PIK3AP1: variants seen among roughly 807,000 people sequenced by gnomAD.
PIK3AP1 encodes phosphoinositide-3-kinase adaptor protein 1, also known as phosphoinositide 3-kinase adapter protein 1.
A neutral mutation model predicts 88.1 loss-of-function variants in PIK3AP1; 21 were observed. That is an observed-to-expected ratio of 0.24 (90% confidence interval 0.17 to 0.34). The LOEUF (loss-of-function observed/expected upper bound fraction) is 0.34. Ranked by LOEUF, PIK3AP1 falls within the 10% of genes least tolerant of loss-of-function variation. PIK3AP1 has a pLI of 1.00. For missense variants in PIK3AP1, 828 were observed against 1,035.7 expected, an observed-to-expected ratio of 0.80 and a Z score of 2.75; for synonymous variants, 398 against 400.0, an observed-to-expected ratio of 1.00 and a Z score of 0.06.
intron 2 of PIK3AP1, among the ~76,000 whole-genome samples, chr10:96,691,884 CTACT>C (rs148593579): frequency 1.5e-4 from 23 of 152,284 alleles, no homozygotes; most frequent in African/African-American, 5.5e-4. Context: ...AAATCAGTCC[CTACT>C]TAAACATCTC....
chr10:96,676,627 C>T (rs1027518996), intron 2 of PIK3AP1, among the ~76,000 whole-genome samples: 6 of 148,940 alleles, frequency 4.0e-5, no homozygotes, highest in African/African-American at 1.5e-4. Flanking sequence ...AGAAGGTCAC[C>T]AAAAACACAC....
At chr10:96,687,279 A>AAAAAAAG (rs1254063032) in intron 2 of PIK3AP1, among the ~76,000 whole-genome samples, 9 of 119,644 alleles carry the variant, frequency 7.5e-5, no homozygotes, top group African/African-American at 4.1e-4. Flanking sequence ...AAAAAAAAAA[A>AAAAAAAG]AAAAAAGAAA....
At chr10:96,606,034 T>C (rs527361686) in intron 14 of PIK3AP1, among the ~76,000 whole-genome samples, 55 of 152,014 alleles carry the variant, frequency 3.6e-4, no homozygotes, top group Admixed American at 7.2e-4. Flanking sequence ...AGTGAGCCGA[T>C]ATCATGCCAC....
At chr10:96,676,389 C>T (rs1398965700) in intron 2 of PIK3AP1, among the ~76,000 whole-genome samples, 1 of 150,072 alleles carries the variant, frequency 6.7e-6, no homozygotes, top group East Asian at 2.0e-4. Context: ...CTACATCTTA[C>T]CAGAGTCACA....
Position 96,628,387 on chromosome 10 carries a change from C to T in PIK3AP1, c.1471+11G>A, listed in dbSNP as rs1843181965. The stretch of plus-strand genomic sequence containing the variant: ...GCTCTTTTGGCTTCCCTGCTCATGG[C>T]TATGACTTACCTTCTAAAAACTTGC... On this transcript the variant is annotated intron_variant, in intron 9 of 16. Transcript: ENST00000339364. 2 of 1,582,728 alleles carry T rather than the reference C, an allele frequency of 1.3e-6. No homozygotes were observed. Among genetic ancestry groups the T allele is most frequent in the Non-Finnish European group, 1.7e-6 (2 of 1,151,448 alleles).
intron 4 of PIK3AP1, 80 bp from the exon 5 acceptor site, chr10:96,651,731 C>G (rs1224476204): frequency 2.0e-6 from 3 of 1,486,232 alleles, no homozygotes; most frequent in Non-Finnish European, 2.8e-6. Flanking sequence ...TATACACACT[C>G]CATCTGAGTG....
chr10:96,651,265 T>G lies in PIK3AP1; in HGVS notation c.971A>C (p.Glu324Ala), dbSNP rs1843533236. The change falls in exon 6 of 17, where the codon GAA becomes GCA. Residue 324 changes from glutamate to alanine, a missense_variant. Physicochemically the swap from Glu to Ala is moderately radical, Grantham distance 107. Coordinates refer to ENST00000339364, the MANE Select transcript of PIK3AP1 (RefSeq NM_152309.3). ...LHLFGINQLEEEDMMTNQRDE... is the reference protein window; with the variant it reads ...LHLFGINQLEAEDMMTNQRDE... Reference sequence around the variant, plus strand: ...CAACTTACTTGTCATCATATCTTCTTCTTCCAGCTGGTTGATTCCAAAGAG... The same window carrying G: ...CAACTTACTTGTCATCATATCTTCTGCTTCCAGCTGGTTGATTCCAAAGAG... The G allele has an allele frequency of 6.2e-7, 1 of 1,614,234 alleles. No homozygotes were observed. Among genetic ancestry groups the G allele is most frequent in the Non-Finnish European group, 8.5e-7 (1 of 1,180,040 alleles).
At chr10:96,619,823 C>T (rs1843052355) in intron 12 of PIK3AP1, among the ~76,000 whole-genome samples, 1 of 152,176 alleles carries the variant, frequency 6.6e-6, no homozygotes, top group East Asian at 1.9e-4. Context: ...GATCTTTGTC[C>T]TTGCATTTAT....
intron 12 of PIK3AP1, among the ~76,000 whole-genome samples, chr10:96,616,978 C>T (rs1374491186): frequency 1.3e-5 from 2 of 152,228 alleles, no homozygotes; most frequent in African/African-American, 2.4e-5. Context: ...TATGACCCCT[C>T]TCATGTATGC....
intron 2 of PIK3AP1, among the ~76,000 whole-genome samples, chr10:96,692,983 C>T (rs961755208): frequency 6.6e-6 from 1 of 152,166 alleles, no homozygotes; most frequent in South Asian, 2.1e-4. Context: ...TGCCTTGTTG[C>T]CATTCCTGCC....
chr10:96,613,489 A>T (rs1280234379), intron 13 of PIK3AP1, among the ~76,000 whole-genome samples: 1 of 152,174 alleles, frequency 6.6e-6, no homozygotes, highest in Admixed American at 6.5e-5. Context: ...AATAGTTATG[A>T]CATTGATTAA....
intron 4 of PIK3AP1, among the ~76,000 whole-genome samples, chr10:96,652,312 C>T (rs1221496715): frequency 2.6e-5 from 4 of 152,166 alleles, no homozygotes; most frequent in South Asian, 2.1e-4. Context: ...CCGTGGCTCA[C>T]GCCTGTAATC....
intron 2 of PIK3AP1, among the ~76,000 whole-genome samples, chr10:96,708,481 A>G (rs957873437): frequency 2.1e-5 from 3 of 145,510 alleles, no homozygotes; most frequent in South Asian, 2.4e-4. Context: ...AGGCTGAGGC[A>G]GGAGAATCAC....
intron 11 of PIK3AP1, among the ~76,000 whole-genome samples, chr10:96,622,935 T>TA (rs1367384547): frequency 6.6e-6 from 1 of 152,250 alleles, no homozygotes; most frequent in Non-Finnish European, 1.5e-5. Flanking sequence ...ATAGATAAGG[T>TA]AAGTAAATAG....
intron 2 of PIK3AP1, among the ~76,000 whole-genome samples, chr10:96,700,082 T>A (rs1178848715): frequency 6.6e-6 from 1 of 152,226 alleles, no homozygotes; most frequent in Non-Finnish European, 1.5e-5. Context: ...AGGTGCAAAC[T>A]TGAAATTCTC....
At chr10:96,599,573 C>T (rs1415489136) in intron 16 of PIK3AP1, among the ~76,000 whole-genome samples, 5 of 152,082 alleles carry the variant, frequency 3.3e-5, no homozygotes, top group Non-Finnish European at 7.4e-5. Flanking sequence ...AGAACACGGG[C>T]AGAGAAGAGA....
chr10:96,670,972 G>A (rs1488817658), intron 2 of PIK3AP1, among the ~76,000 whole-genome samples: 2 of 152,162 alleles, frequency 1.3e-5, no homozygotes, highest in African/African-American at 4.8e-5. Flanking sequence ...GAACAAATAA[G>A]TTGCTATAAT....
intron 8 of PIK3AP1, among the ~76,000 whole-genome samples, chr10:96,635,460 A>T (rs896601428): frequency 2.0e-5 from 3 of 152,256 alleles, no homozygotes; most frequent in Non-Finnish European, 2.9e-5. Context: ...CTTTAGTTGA[A>T]CATAAATATC....
At chr10:96,665,910 CCA>C (rs1394794129) in intron 2 of PIK3AP1, among the ~76,000 whole-genome samples, 2 of 152,106 alleles carry the variant, frequency 1.3e-5, no homozygotes, top group African/African-American at 4.8e-5. Context: ...GCAAGACTCC[CCA>C]CAGATTGGCG....
Sources: allele counts gnomAD v4.1 joint callset (sites outside exome capture counted in the v4.1 genomes callset), GRCh38; gene constraint gnomAD v4.1.1; transcripts MANE v1.5; gene names NCBI Gene and HGNC (gene_info 2026-07-23, HGNC 2026-07-21).